Variants in HDAC2 observed in about 807,000 individuals in gnomAD.
The protein encoded by HDAC2 is YY1-associated factor 1.
A neutral mutation model predicts 68.5 loss-of-function variants in HDAC2; 5 were observed. The observed-to-expected ratio is 0.07, with a 90% CI of 0.04 to 0.15. The LOEUF (loss-of-function observed/expected upper bound fraction) is 0.15, where lower values mean the gene tolerates loss of function less well. Among genes scored for constraint, HDAC2 ranks in the 10% least tolerant of loss-of-function variants. The probability of loss-of-function intolerance (pLI) is 1.00; values close to 1 mark genes in which losing one functional copy is unlikely to be tolerated. For synonymous variants in HDAC2, 182 were observed against 191.3 expected, an observed-to-expected ratio of 0.95 and a Z score of 0.40; for missense variants, 291 against 600.8, an observed-to-expected ratio of 0.48 and a Z score of 5.39.
chr6:113,941,141 T>A, intron 13 of HDAC2, 53 bp from the exon 14 acceptor site: 4 of 1,340,036 alleles, frequency 3.0e-6, no homozygotes, highest in Non-Finnish European at 4.3e-6. Flanking sequence ...TTGGTTTAAA[T>A]GCACTGACCT....
At chr6:113,951,544 A>T (rs1219471512) in intron 6 of HDAC2, among the ~76,000 whole-genome samples, 3 of 147,696 alleles carry the variant, frequency 2.0e-5, no homozygotes, top group Non-Finnish European at 4.4e-5. Context: ...CTCGGCTCAC[A>T]GCAAGCTCCG....
chr6:113,941,062 G>A lies in HDAC2; in HGVS notation c.1463C>T (p.Pro488Leu), dbSNP rs1402770864. ...KGTKSEQLSNP is the reference protein window; with the variant it reads ...KGTKSEQLSNL ...AAATTGGTGAGACTGTCAAATTCAG[G>A]GGTTGCTGAGCTGTTCTGATTTGGT... Residue 488 changes from proline to leucine, a missense_variant, in exon 14 of 14, where the codon CCC becomes CTC. This residue lies in a region of HDAC2 where 137 missense variants were observed against 128.7 expected (regional missense o/e 1.06). Transcript: ENST00000519065. 3 of 1,606,054 alleles carry A rather than the reference G, an allele frequency of 1.9e-6. No individual in the cohort carries two copies. The highest frequency in any genetic ancestry group is 2.6e-6 in the Non-Finnish European group (3 of 1,176,306).
rs2114577479 is a variant in HDAC2 at position 113,935,758 on chromosome 6, T to C, written c.*5300A>G. On this transcript the variant is annotated 3_prime_UTR_variant, in exon 14 of 14. Coordinates refer to ENST00000519065, the MANE Select transcript of HDAC2 (RefSeq NM_001527.4). ...AGCAAATAACAGAATCTAATCAAGG[T>C]GTCTTCTGTCCTTAACTGTTTGTTC... 1 of 152,312 alleles carries C rather than the reference T, an allele frequency of 6.6e-6. No homozygotes were observed. The highest frequency in any genetic ancestry group is 1.5e-5 in the Non-Finnish European group (1 of 68,022). 9.4% of individuals were successfully genotyped at this position (152,312 alleles called of 1,614,324 possible).
intron 5 of HDAC2, 74 bp downstream of exon 5, chr6:113,955,939 C>G (rs761200587): frequency 1.9e-4 from 209 of 1,100,986 alleles, no homozygotes; most frequent in Non-Finnish European, 2.6e-4. Context: ...TTTTTTAAAG[C>G]CATAGACTTT....
chr6:113,941,738 T>C lies in HDAC2; in HGVS notation c.1406A>G (p.Asp469Gly), dbSNP rs1257640458. ...GGTATCTGTTTTTTCACCACTGTTG[T>C]CCTTGGATTTATCTTCTTCCTTAAC... ...TDVKEEDKSK[D>G]NSGEKTDTKG... The change falls in exon 13 of 14, where the codon GAC (aspartate) becomes GGC (glycine). Residue 469 changes from aspartate to glycine, a missense_variant. Physicochemically the swap from Asp to Gly is moderately conservative, Grantham distance 94. Transcript: ENST00000519065. 1 of 1,455,086 alleles carries C rather than the reference T, an allele frequency of 6.9e-7. No homozygotes were observed. The highest frequency in any genetic ancestry group is 9.4e-7 in the Non-Finnish European group (1 of 1,065,744). The allele number at this position is 1,455,086 out of a possible 1,614,324, so 90.1% of individuals were successfully genotyped here. A position where few individuals can be genotyped will look rare whatever the true frequency, so the allele number is the denominator to read the frequency against.
intron 1 of HDAC2, chr6:113,970,098 T>C (rs772055828): frequency 3.9e-5 from 6 of 152,038 alleles, no homozygotes; most frequent in East Asian, 3.9e-4. Context: ...CGAACTATTA[T>C]TGAGGAAGTG....
chr6:113,963,409 C>T (rs1051555905), intron 1 of HDAC2, among the ~76,000 whole-genome samples: 3 of 152,006 alleles, frequency 2.0e-5, no homozygotes, highest in Non-Finnish European at 4.4e-5. Flanking sequence ...TATAAAAAGG[C>T]TAAGAAGTTT....
chr6:113,958,634 T>C lies in HDAC2; in HGVS notation c.283+15A>G. 1 of 1,268,816 alleles carries C rather than the reference T, an allele frequency of 7.9e-7. No individual in the cohort carries two copies. The highest frequency in any genetic ancestry group is 1.1e-6 in the Non-Finnish European group (1 of 884,792). The allele number at this position is 1,268,816 out of a possible 1,614,324, so 78.6% of individuals were successfully genotyped here. A position where few individuals can be genotyped will look rare whatever the true frequency, so the allele number is the denominator to read the frequency against. ...CATTTATCAAAGCAAAACTACTTTTTACTTAGAAACGTACATCTCTGCATC... is the reference window on the plus strand; with the variant it reads ...CATTTATCAAAGCAAAACTACTTTTCACTTAGAAACGTACATCTCTGCATC... On this transcript the variant is annotated intron_variant, in intron 3 of 13. Transcript: ENST00000519065.
At chr6:113,969,103 C>A (rs1032642545) in intron 1 of HDAC2, among the ~76,000 whole-genome samples, 1 of 152,160 alleles carries the variant, frequency 6.6e-6, no homozygotes, top group Non-Finnish European at 1.5e-5. Flanking sequence ...CCAATTTGAT[C>A]AGGGAATGCA....
At position 113,933,503 on chromosome 6, in the gene HDAC2, TA is replaced by T. The variant is rs1192510891; in HGVS notation, c.*7554del. ...CCTTCTGTCCTCTTCAATCCTCTTC[TA>T]TCCCCTTCCATTCCCCTTCCCACTT... is the stretch of plus-strand genomic sequence containing the variant. On this transcript the variant is annotated 3_prime_UTR_variant, in exon 14 of 14. Transcript: ENST00000519065. 2 of 152,170 alleles carry T rather than the reference TA, an allele frequency of 1.3e-5. No homozygotes were observed. The highest frequency in any genetic ancestry group is 3.8e-4 in the East Asian group (2 of 5,200). 9.4% of individuals were successfully genotyped at this position (152,170 alleles called of 1,614,324 possible).
In HDAC2 at chr6:113,941,743, G is replaced by C; in HGVS notation, c.1401C>G (p.Ser467=). 1 of 1,438,756 alleles carries C rather than the reference G, an allele frequency of 7.0e-7. No homozygotes were observed. 89.1% of individuals were successfully genotyped at this position (1,438,756 alleles called of 1,614,324 possible). Residue 467 remains serine (S), a synonymous_variant, in exon 13 of 14, where the codon TCC becomes TCG. Transcript: ENST00000519065. ...KKTDVKEEDK[S]KDNSGEKTDT... ...CTGTTTTTTCACCACTGTTGTCCTTGGATTTATCTTCTTCCTTAACGTCTA... is the reference window on the plus strand; with the variant it reads ...CTGTTTTTTCACCACTGTTGTCCTTCGATTTATCTTCTTCCTTAACGTCTA...
Position 113,970,997 on chromosome 6 carries a change from G to C in HDAC2, c.-89C>G, listed in dbSNP as rs1304226691. ...GCCGCGGCTCGGCCGGGAGAGAAAA[G>C]GGCTGAGGGAAACGTGGGGGCGATA... On this transcript the variant is annotated 5_prime_UTR_variant, in exon 1 of 14. Coordinates refer to ENST00000519065, the MANE Select transcript of HDAC2 (RefSeq NM_001527.4). 7 of 1,576,164 alleles carry C rather than the reference G, an allele frequency of 4.4e-6. No homozygotes were observed. Among genetic ancestry groups the C allele is most frequent in the Non-Finnish European group, 6.0e-6 (7 of 1,160,780 alleles).
At chr6:113,970,649 CCT>C (rs1776973185) in intron 1 of HDAC2, 3 of 1,351,670 alleles carry the variant, frequency 2.2e-6, no homozygotes, top group African/African-American at 1.5e-5. Flanking sequence ...GGGCGGGCCC[CCT>C]GATTCCCGCC....
At chr6:113,968,360 TC>T (rs1394376247) in intron 1 of HDAC2, 1 of 152,190 alleles carries the variant, frequency 6.6e-6, no homozygotes, top group Non-Finnish European at 1.5e-5. Flanking sequence ...ATACAGAAGC[TC>T]CTTTCCTTGC....
Position 113,971,125 on chromosome 6 carries a change from G to A in HDAC2, c.-217C>T. ...CGAAAGCTCGGAATCGGAGGTGGCA[G>A]CGGCACCAACTCGCGAGGAGGGGGC... On this transcript the variant is annotated 5_prime_UTR_variant, in exon 1 of 14. Coordinates refer to ENST00000519065, the MANE Select transcript of HDAC2 (RefSeq NM_001527.4). 6.5e-7 allele frequency: 1 copy of A among 1,543,336 alleles called. No individual in the cohort carries two copies. Among genetic ancestry groups the A allele is most frequent in the Non-Finnish European group, 8.7e-7 (1 of 1,142,962 alleles).
intron 1 of HDAC2, among the ~76,000 whole-genome samples, chr6:113,963,092 T>C (rs1270970646): frequency 6.6e-6 from 1 of 151,944 alleles, no homozygotes; most frequent in Non-Finnish European, 1.5e-5. Context: ...TCCACTTTGT[T>C]TTCTTTTTGA....
chr6:113,970,357 G>A (rs1002274098), intron 1 of HDAC2: 8 of 625,394 alleles, frequency 1.3e-5, no homozygotes, highest in African/African-American at 4.0e-5. Context: ...AGGAGGGAAG[G>A]GGACGGGAGG....
At chr6:113,944,526 A>T (rs993235435) in intron 10 of HDAC2, 116 bp from the exon 11 acceptor site, 9 of 809,348 alleles carry the variant, frequency 1.1e-5, no homozygotes, top group Admixed American at 5.2e-5. Flanking sequence ...CCTATATATT[A>T]AAAGGTCTCT....
At chr6:113,953,468 G>C in intron 5 of HDAC2, 50 bp from the exon 6 acceptor site, 1 of 1,135,266 alleles carries the variant, frequency 8.8e-7, no homozygotes, top group Non-Finnish European at 1.3e-6. Context: ...GTTCTAAGAT[G>C]GGAAGAAGCA....
Sources: allele counts gnomAD v4.1 joint callset (sites outside exome capture counted in the v4.1 genomes callset), GRCh38; gene constraint gnomAD v4.1.1; regional missense constraint gnomAD v4.1.1; transcripts MANE v1.5; gene names NCBI Gene and HGNC (gene_info 2026-07-23, HGNC 2026-07-21).